Variants in NKX2-3 observed in about 807,000 individuals in gnomAD.
The protein encoded by NKX2-3 is NK2 homeobox 3.
In NKX2-3, 3 loss-of-function variants were observed where a neutral mutation model predicts 14.2. The ratio of observed to expected loss-of-function variants is 0.21; its 90% CI spans 0.10 to 0.55. The LOEUF (loss-of-function observed/expected upper bound fraction) is 0.55. Ranked by LOEUF, NKX2-3 falls within the 20% of genes least tolerant of loss-of-function variation. The pLI, the probability that NKX2-3 is intolerant of heterozygous loss-of-function variation, is 0.94. For missense variants in NKX2-3, 511 were observed against 514.5 expected (o/e 0.99, Z 0.06); for synonymous variants, 276 against 234.2 (o/e 1.18, Z -1.63).
chr10:99,534,622 C>T (rs2033945968), intron 1 of NKX2-3, among the ~76,000 whole-genome samples: 1 of 152,200 alleles, frequency 6.6e-6, no homozygotes, highest in African/African-American at 2.4e-5. Context: ...AGAATGCAAA[C>T]GAGTTTGCAA....
Position 99,533,275 on chromosome 10 carries a change from C to A in NKX2-3, c.144C>A (p.Ala48=), listed in dbSNP as rs372117331. The A allele has an allele frequency of 1.9e-6, 3 of 1,613,956 alleles. No individual in the cohort carries two copies. Among genetic ancestry groups the A allele is most frequent in the Non-Finnish European group, 2.5e-6 (3 of 1,179,870 alleles). ...TCCACTCTGCGCCCTGCATGCTGGC[C>A]GCCGCTGAGGGGACGCAATTTTCTG... ...HHFHSAPCML[A]AAEGTQFSDG... Residue 48 remains alanine, a synonymous_variant, in exon 1 of 2, where the codon GCC becomes GCA. Coordinates refer to ENST00000344586, the MANE Select transcript of NKX2-3 (RefSeq NM_145285.3).
chr10:99,534,840 C>G, intron 1 of NKX2-3, 145 bp from the exon 2 acceptor site: 1 of 1,026,118 alleles, frequency 9.7e-7, no homozygotes, highest in Non-Finnish European at 1.4e-6. Flanking sequence ...TCCCACAGCG[C>G]CAGGAGCCAC....
Position 99,536,065 on chromosome 10 carries a change from T to G in NKX2-3, c.*344T>G. On this transcript the variant is annotated 3_prime_UTR_variant, in exon 2 of 2. Coordinates refer to ENST00000344586, the MANE Select transcript of NKX2-3 (RefSeq NM_145285.3). Reference sequence around the variant, plus strand: ...GAGAAGGGCTTCTCTCCCTCTGCCTTTCCGCGGCCTCCGCGAAGCGTTGGC... The same window carrying G: ...GAGAAGGGCTTCTCTCCCTCTGCCTGTCCGCGGCCTCCGCGAAGCGTTGGC... The G allele has an allele frequency of 3.4e-6, 1 of 297,302 alleles. No individual in the cohort carries two copies. 18.4% of individuals were successfully genotyped at this position (297,302 alleles called of 1,614,324 possible). A position where few individuals can be genotyped will look rare whatever the true frequency, so the allele number is the denominator to read the frequency against.
rs2119560994 is a variant in NKX2-3 at position 99,535,449 on chromosome 10, G to GGA, written c.823_824insGA (p.Ala275GlyfsTer53). The GGA allele has an allele frequency of 6.4e-6, 8 of 1,256,506 alleles. No homozygotes were observed. Among genetic ancestry groups the GGA allele is most frequent in the Non-Finnish European group, 1.0e-6 (1 of 992,946 alleles). The allele number at this position is 1,256,506 out of a possible 1,614,324, so 77.8% of individuals were successfully genotyped here. ...CTATGGGAACTCGGCCGCGGCCGCC[G>GGA]CCGCCGCCGCCGCCGCCGCCGCAGC... On this transcript the variant is annotated frameshift_variant, in exon 2 of 2. Transcript: ENST00000344586. LOFTEE classifies it low-confidence loss of function (END_TRUNC).
Position 99,535,841 on chromosome 10 carries a change from C to G in NKX2-3, c.*120C>G. The G allele has an allele frequency of 3.5e-6, 4 of 1,155,274 alleles. No homozygotes were observed. The South Asian group carries it at 6.6e-5, about 19-fold the overall frequency. 71.6% of individuals were successfully genotyped at this position (1,155,274 alleles called of 1,614,324 possible). A position where few individuals can be genotyped will look rare whatever the true frequency, so the allele number is the denominator to read the frequency against. On this transcript the variant is annotated 3_prime_UTR_variant, in exon 2 of 2. Transcript: ENST00000344586. ...GTTAAAAAAATATGTACGTCTAGCT[C>G]CTCAGGGCTTCGGATCGCAGCTCAC... is the stretch of plus-strand genomic sequence containing the variant.
chr10:99,535,365 G>T lies in NKX2-3; in HGVS notation c.739G>T (p.Gly247Cys), dbSNP rs2033956585. Residue 247 changes from glycine (G) to cysteine (C), a missense_variant, in exon 2 of 2, where the codon GGC becomes TGC. Physicochemically the swap from Gly to Cys is radical, Grantham distance 159 (BLOSUM62 -3). Coordinates refer to ENST00000344586, the MANE Select transcript of NKX2-3 (RefSeq NM_145285.3). Reference protein sequence around the residue: ...PCVTPSAQAYGAPYSVGASAY... With the variant: ...PCVTPSAQAYCAPYSVGASAY... ...CGTCACGCCCAGCGCGCAGGCCTAC[G>T]GCGCGCCCTACAGCGTGGGCGCCAG... is the stretch of plus-strand genomic sequence containing the variant. The T allele has an allele frequency of 2.0e-6, 3 of 1,470,506 alleles. No homozygotes were observed. Among genetic ancestry groups the T allele is most frequent in the Non-Finnish European group, 2.7e-6 (3 of 1,117,976 alleles). 91.1% of individuals were successfully genotyped at this position (1,470,506 alleles called of 1,614,324 possible).
rs750287150 is a variant in NKX2-3 at position 99,534,952 on chromosome 10, A to T, written c.359-33A>T. On this transcript the variant is annotated intron_variant, in intron 1 of 1. Transcript: ENST00000344586. ...CAGGAGCCGCGGTGCGGCCGGGAACAGCTAAGGACGCTGTTGTTTGCTTCT... is the reference window on the plus strand; with the variant it reads ...CAGGAGCCGCGGTGCGGCCGGGAACTGCTAAGGACGCTGTTGTTTGCTTCT... The T allele has an allele frequency of 1.3e-5, 20 of 1,560,468 alleles. No individual in the cohort carries two copies. In the South Asian group the frequency reaches 2.3e-4, roughly 18 times the overall value.
Position 99,532,970 on chromosome 10 carries a change from G to A in NKX2-3, c.-162G>A, listed in dbSNP as rs2033925956. 3 of 606,456 alleles carry A rather than the reference G, an allele frequency of 4.9e-6. No individual in the cohort carries two copies. The highest frequency in any genetic ancestry group is 5.0e-5 in the Admixed American group (2 of 40,276). The allele number at this position is 606,456 out of a possible 1,614,324, so 37.6% of individuals were successfully genotyped here. ...GGCTGTAACAAAACCCAGACCCCCA[G>A]GTCCCGGCCAATGGAGGCGATTTAG... On this transcript the variant is annotated 5_prime_UTR_variant, in exon 1 of 2. Coordinates refer to ENST00000344586, the MANE Select transcript of NKX2-3 (RefSeq NM_145285.3).
In NKX2-3 at chr10:99,534,996, C is replaced by G; in HGVS notation, c.370C>G (p.Leu124Val). The change falls in exon 2 of 2, where the codon CTG becomes GTG. Residue 124 changes from leucine (L) to valine (V), a missense_variant. Leu to Val is a conservative substitution (Grantham distance 32). Around this residue, in one of 3 missense-constraint regions of NKX2-3, gnomAD observed 243 missense variants for 242.3 expected, o/e 1.00. Transcript: ENST00000344586. ...VRDRSQKSCQ[L>V]KKSLETAGDC... ...TGCTTCTTCCGCAGAAAGCTGCCAG[C>G]TGAAGAAGTCTCTAGAGACGGCCGG... 6.3e-7 allele frequency: 1 copy of G among 1,599,570 alleles called. No individual in the cohort carries two copies. Among genetic ancestry groups the G allele is most frequent in the Non-Finnish European group, 8.5e-7 (1 of 1,173,148 alleles).
chr10:99,536,035 A>G lies in NKX2-3; in HGVS notation c.*314A>G, dbSNP rs534464400. 1.1e-5 allele frequency: 4 copies of G among 364,124 alleles called. No individual in the cohort carries two copies. The South Asian group carries it at 1.9e-4, about 17-fold the overall frequency. The allele number at this position is 364,124 out of a possible 1,614,324, so 22.6% of individuals were successfully genotyped here. The stretch of plus-strand genomic sequence containing the variant: ...GACCCTGGCCGCGCTTGGTTCTTCC[A>G]AAGCGAGAAGGGCTTCTCTCCCTCT... On this transcript the variant is annotated 3_prime_UTR_variant, in exon 2 of 2. Transcript: ENST00000344586.
rs1441670067 is a variant in NKX2-3, at chr10:99,533,009, C to G, written c.-123C>G. 32 of 710,158 alleles carry G rather than the reference C, an allele frequency of 4.5e-5. No individual in the cohort carries two copies. Among genetic ancestry groups the G allele is most frequent in the Non-Finnish European group, 2.4e-5 (10 of 410,002 alleles). The allele number at this position is 710,158 out of a possible 1,614,324, so 44.0% of individuals were successfully genotyped here. A position where few individuals can be genotyped will look rare whatever the true frequency, so the allele number is the denominator to read the frequency against. ...GAGGCGATTTAGACTGGAGTGGGAC[C>G]GCGTCTGTCAAAAGCCCGACTCGGC... On this transcript the variant is annotated 5_prime_UTR_variant, in exon 1 of 2. Coordinates refer to ENST00000344586, the MANE Select transcript of NKX2-3 (RefSeq NM_145285.3).
chr10:99,534,988 G>T lies in NKX2-3; in HGVS notation c.362G>T (p.Ser121Ile), dbSNP rs563597346. 3 of 1,593,510 alleles carry T rather than the reference G, an allele frequency of 1.9e-6. No homozygotes were observed. Among genetic ancestry groups the T allele is most frequent in the Non-Finnish European group, 1.7e-6 (2 of 1,169,900 alleles). ...PEVVRDRSQK[S>I]CQLKKSLETA... ...CTGTTGTTTGCTTCTTCCGCAGAAA[G>T]CTGCCAGCTGAAGAAGTCTCTAGAG... Residue 121 changes from serine (S) to isoleucine (I), a missense_variant, in exon 2 of 2, where the codon AGC (serine) becomes ATC (isoleucine). By Grantham distance (142) the Ser-to-Ile change is moderately radical. Transcript: ENST00000344586.
At position 99,535,469 on chromosome 10, in the gene NKX2-3, C is replaced by A. The variant is rs10082511; in HGVS notation, c.843C>A (p.Ala281=). Residue 281 remains alanine, a synonymous_variant, in exon 2 of 2, where the codon GCC becomes GCA. Coordinates refer to ENST00000344586, the MANE Select transcript of NKX2-3 (RefSeq NM_145285.3). ...AAAAAAAAAA[A]AAAAAYSSSY... ...CCGCCGCCGCCGCCGCCGCCGCCGC[C>A]GCAGCAGCGGCGGCCTACAGCAGCA... The A allele has an allele frequency of 5.2e-3, 5,775 of 1,100,776 alleles. 108 individuals carry two copies. The African/African-American group carries it at 0.059, about 11-fold the overall frequency. The allele number at this position is 1,100,776 out of a possible 1,614,324, so 68.2% of individuals were successfully genotyped here. A position where few individuals can be genotyped will look rare whatever the true frequency, so the allele number is the denominator to read the frequency against.
rs751487317 is a variant in NKX2-3 at position 99,535,517 on chromosome 10, GGGCGGC to G, written c.909_914del (p.Gly304_Gly305del). ...GCAGCTATGGCTGTGCGTACCCGGC[GGGCGGC>G]GGCGGCGGCGGCGGCGGGACCTCCG... On this transcript the variant is annotated inframe_deletion, in exon 2 of 2. Transcript: ENST00000344586. 43 of 1,267,204 alleles carry G rather than the reference GGGCGGC, an allele frequency of 3.4e-5. No individual in the cohort carries two copies. Among genetic ancestry groups the G allele is most frequent in the South Asian group, 2.3e-4 (11 of 47,554 alleles). 78.5% of individuals were successfully genotyped at this position (1,267,204 alleles called of 1,614,324 possible). A position where few individuals can be genotyped will look rare whatever the true frequency, so the allele number is the denominator to read the frequency against.
At position 99,533,157 on chromosome 10, in the gene NKX2-3, C is replaced by G. The variant is rs368583740; in HGVS notation, c.26C>G (p.Ser9Cys). Residue 9 changes from serine to cysteine, a missense_variant, in exon 1 of 2, where the codon TCC (serine) becomes TGC (cysteine). Around this residue, in one of 3 missense-constraint regions of NKX2-3, gnomAD observed 243 missense variants for 242.3 expected, o/e 1.00. Coordinates refer to ENST00000344586, the MANE Select transcript of NKX2-3 (RefSeq NM_145285.3). ...ATGATGTTACCAAGCCCGGTCACCT[C>G]CACCCCTTTCTCAGTCAAAGACATT... MMLPSPVT[S>C]TPFSVKDILN... The G allele has an allele frequency of 3.8e-6, 6 of 1,567,752 alleles. No homozygotes were observed. The East Asian group carries it at 1.4e-4, about 35-fold the overall frequency.
At chr10:99,534,529 T>A (rs2033945211) in intron 1 of NKX2-3, among the ~76,000 whole-genome samples, 1 of 152,078 alleles carries the variant, frequency 6.6e-6, no homozygotes. Context: ...AGCGTTACAC[T>A]CAGAACAGAT....
In NKX2-3 at chr10:99,533,055, G is replaced by A; in HGVS notation, c.-77G>A. 9.8e-7 allele frequency: 1 copy of A among 1,025,022 alleles called. No homozygotes were observed. The highest frequency in any genetic ancestry group is 1.5e-6 in the Non-Finnish European group (1 of 688,008). 63.5% of individuals were successfully genotyped at this position (1,025,022 alleles called of 1,614,324 possible). A position where few individuals can be genotyped will look rare whatever the true frequency, so the allele number is the denominator to read the frequency against. The stretch of plus-strand genomic sequence containing the variant: ...TCGGCAGCAGCGGCGGAGTCCAGGA[G>A]GAGAGCTGGAGCCGCCGCGCTGCCT... On this transcript the variant is annotated 5_prime_UTR_variant, in exon 1 of 2. Coordinates refer to ENST00000344586, the MANE Select transcript of NKX2-3 (RefSeq NM_145285.3).
Position 99,533,142 on chromosome 10 carries a change from C to G in NKX2-3, c.11C>G (p.Pro4Arg). 6.4e-7 allele frequency: 1 copy of G among 1,554,260 alleles called. No homozygotes were observed. The highest frequency in any genetic ancestry group is 8.7e-7 in the Non-Finnish European group (1 of 1,145,914). ...AATTAAGTGGCCCTGATGATGTTAC[C>G]AAGCCCGGTCACCTCCACCCCTTTC... MML[P>R]SPVTSTPFSV... The change falls in exon 1 of 2, where the codon CCA becomes CGA. Residue 4 changes from proline to arginine, a missense_variant. By Grantham distance (103) the Pro-to-Arg change is moderately radical. Around this residue, in one of 3 missense-constraint regions of NKX2-3, gnomAD observed 243 missense variants for 242.3 expected, o/e 1.00. Coordinates refer to ENST00000344586, the MANE Select transcript of NKX2-3 (RefSeq NM_145285.3).
At position 99,533,427 on chromosome 10, in the gene NKX2-3, A is replaced by C; in HGVS notation, c.296A>C (p.Asp99Ala). The C allele has an allele frequency of 6.3e-7, 1 of 1,598,432 alleles. No individual in the cohort carries two copies. ...PQGYVHTVLR[D>A]SCSEPKEHEE... ...GGCTATGTCCACACGGTCCTGCGAG[A>C]CTCGTGCAGCGAGCCCAAGGAACAT... Residue 99 changes from aspartate (D) to alanine (A), a missense_variant, in exon 1 of 2, where the codon GAC becomes GCC. Coordinates refer to ENST00000344586, the MANE Select transcript of NKX2-3 (RefSeq NM_145285.3).
Sources: gnomAD v4.1 joint callset for allele counts (sites outside exome capture counted in the v4.1 genomes callset) on GRCh38, gnomAD v4.1.1 for gene constraint, gnomAD v4.1.1 regional missense constraint, MANE v1.5 for transcripts, NCBI Gene and HGNC (gene_info 2026-07-23, HGNC 2026-07-21) for gene names.